The following ARHGAP24 variants were observed in gnomAD, a reference collection of about 807,000 sequenced individuals.
ARHGAP24 encodes the protein rho GTPase-activating protein 24.
ARHGAP24 carries 50 observed loss-of-function variants against 76.4 expected under a neutral mutation model. The ratio of observed to expected loss-of-function variants is 0.65; its 90% CI spans 0.52 to 0.83. ARHGAP24 has a LOEUF of 0.83. ARHGAP24 is among the 40% of genes least tolerant of loss of function. The probability of loss-of-function intolerance (pLI) is 0.00; values close to 1 mark genes in which losing one functional copy is unlikely to be tolerated. For synonymous variants in ARHGAP24, 345 were observed against 323.3 expected, an observed-to-expected ratio of 1.07 and a Z score of -0.72; for missense variants, 930 against 914.2, an observed-to-expected ratio of 1.02 and a Z score of -0.22.
At chr4:85,475,585 G>A (rs1017508771) in intron 1 of ARHGAP24, 26 bp downstream of exon 1, 1 of 151,148 alleles carries the variant, frequency 6.6e-6, no homozygotes, top group Admixed American at 6.6e-5. Flanking sequence ...GCGAGGAAGT[G>A]CGCGGAGCTA....
chr4:85,616,388 A>T (rs989749565), intron 2 of ARHGAP24, among the ~76,000 whole-genome samples: 2 of 152,210 alleles, frequency 1.3e-5, no homozygotes, highest in Non-Finnish European at 2.9e-5. Flanking sequence ...GAAAGAAAAC[A>T]TTAATTTTAA....
intron 3 of ARHGAP24, among the ~76,000 whole-genome samples, chr4:85,888,295 G>A (rs192737268): frequency 1.9e-4 from 29 of 151,594 alleles, no homozygotes; most frequent in African/African-American, 7.0e-4. Context: ...GGCTACTTGG[G>A]AGGCTGATAC....
chr4:85,729,863 A>C (rs980290697), intron 3 of ARHGAP24, among the ~76,000 whole-genome samples: 3 of 152,212 alleles, frequency 2.0e-5, no homozygotes, highest in Non-Finnish European at 4.4e-5. Flanking sequence ...ACAGTGAACC[A>C]GATTTGGCCC....
rs1299135678 is a variant in ARHGAP24 at position 85,487,152 on chromosome 4, GTATATATATATAAATATATATTTATTT to G, written c.-21+11604_-21+11630del. On this transcript the variant is annotated intron_variant, in intron 1 of 9. Coordinates refer to ENST00000395184, the MANE Select transcript of ARHGAP24 (RefSeq NM_001025616.3). Reference sequence around the variant, plus strand: ...CCTTGGTTTGCTTGGTTGCTTGTGTGTATATATATATAAATATATATTTATTTTATATATATAAAAATATATATTTAT... The same window carrying G: ...CCTTGGTTTGCTTGGTTGCTTGTGTGTATATATATAAAAATATATATTTAT... Among the ~76,000 whole-genome samples the G allele has an allele frequency of 5.0e-3, 679 of 135,580 alleles. 6 individuals carry two copies. The highest frequency in any genetic ancestry group is 0.018 in the African/African-American group (652 of 35,632). The allele number at this position is 135,580 out of a possible 152,430, so 88.9% of individuals were successfully genotyped here.
At chr4:85,682,900 T>C (rs1243098189) in intron 2 of ARHGAP24, among the ~76,000 whole-genome samples, 1 of 152,158 alleles carries the variant, frequency 6.6e-6, no homozygotes, top group African/African-American at 2.4e-5. Context: ...CAATATATTA[T>C]GCACTTTCAA....
At chr4:85,556,410 G>A (rs1046379787) in intron 1 of ARHGAP24, among the ~76,000 whole-genome samples, 2 of 152,174 alleles carry the variant, frequency 1.3e-5, no homozygotes, top group Middle Eastern at 3.2e-3. Context: ...GGGTGTGGGA[G>A]CTCGCTGGAA....
chr4:85,545,794 A>G (rs1019769920), intron 1 of ARHGAP24, among the ~76,000 whole-genome samples: 3 of 152,214 alleles, frequency 2.0e-5, no homozygotes, highest in African/African-American at 7.2e-5. Context: ...GATATGTATT[A>G]ATATATGGGT....
chr4:85,670,161 A>G (rs1034634059), intron 2 of ARHGAP24, among the ~76,000 whole-genome samples: 1 of 152,160 alleles, frequency 6.6e-6, no homozygotes, highest in Admixed American at 6.5e-5. Flanking sequence ...TTGGCTGCAT[A>G]AATAAGCTGA....
In ARHGAP24 at chr4:85,974,912, G is replaced by T. The variant is rs377008231; in HGVS notation, c.757G>T (p.Val253Leu). Residue 253 changes from valine (V) to leucine (L), a missense_variant, in exon 7 of 10, where the codon GTG becomes TTG. Coordinates refer to ENST00000395184, the MANE Select transcript of ARHGAP24 (RefSeq NM_001025616.3). ...GGGTGTTAAGGAATTAGCAAAGCAG[G>T]TGAAGAGTTTGCCAGTGGTAAATTA... ...EAGVKELAKQ[V>L]KSLPVVNYNL... The T allele has an allele frequency of 6.2e-7, 1 of 1,613,888 alleles. No individual in the cohort carries two copies. Among genetic ancestry groups the T allele is most frequent in the Non-Finnish European group, 8.5e-7 (1 of 1,179,904 alleles).
rs549180913 is a variant in ARHGAP24 at position 85,475,879 on chromosome 4, C to T, written c.-21+320C>T. 3.7e-3 allele frequency among the ~76,000 whole-genome samples: 567 copies of T among 151,940 alleles called. 1 individual carries two copies. Among genetic ancestry groups the T allele is most frequent in the Non-Finnish European group, 5.9e-3 (400 of 67,902 alleles). Reference sequence around the variant, plus strand: ...AAAATAGATGGAATTAATAAAAACCCTTTGTACAATTCAATTTCCTCTCTT... The same window carrying T: ...AAAATAGATGGAATTAATAAAAACCTTTTGTACAATTCAATTTCCTCTCTT... On this transcript the variant is annotated intron_variant, in intron 1 of 9. Transcript: ENST00000395184.
chr4:85,749,393 T>A (rs1332170618), intron 3 of ARHGAP24, among the ~76,000 whole-genome samples: 1 of 152,222 alleles, frequency 6.6e-6, no homozygotes, highest in Non-Finnish European at 1.5e-5. Flanking sequence ...AAAGCTAGAC[T>A]TCTATATGTC....
At chr4:85,733,081 T>TTTTTTTTTTTTTTTTTTTTTTTTTTA (rs70948746) in intron 3 of ARHGAP24, among the ~76,000 whole-genome samples, 1 of 136,790 alleles carries the variant, frequency 7.3e-6, no homozygotes, top group African/African-American at 2.8e-5. Flanking sequence ...TTTTTTTTTT[T>TTTTTTTTTTTTTTTTTTTTTTTTTTA]GAGATGGAGT....
intron 3 of ARHGAP24, among the ~76,000 whole-genome samples, chr4:85,909,299 T>TTG (rs1578374924): frequency 6.6e-6 from 1 of 151,918 alleles, no homozygotes; most frequent in South Asian, 2.1e-4. Context: ...TTTCTTTTGT[T>TTG]TTGTTTTTTT....
intron 3 of ARHGAP24, among the ~76,000 whole-genome samples, chr4:85,809,465 C>T (rs1353270572): frequency 1.3e-5 from 2 of 152,028 alleles, no homozygotes; most frequent in Admixed American, 6.6e-5. Flanking sequence ...AGAGAATTAC[C>T]TTATTCCATT....
chr4:85,570,764 C>T (rs763799081), intron 2 of ARHGAP24, 43 bp downstream of exon 2: 1 of 1,605,962 alleles, frequency 6.2e-7, no homozygotes, highest in Admixed American at 1.7e-5. Context: ...CTAAGAAAGC[C>T]AAGAAATAGA....
chr4:85,879,948 T>G (rs1448266284), intron 3 of ARHGAP24, among the ~76,000 whole-genome samples: 1 of 152,040 alleles, frequency 6.6e-6, no homozygotes, highest in African/African-American at 2.4e-5. Context: ...CAGTTCACAA[T>G]AGGGTTTACA....
At chr4:85,555,324 G>A (rs1407934709) in intron 1 of ARHGAP24, among the ~76,000 whole-genome samples, 1 of 152,190 alleles carries the variant, frequency 6.6e-6, no homozygotes, top group Non-Finnish European at 1.5e-5. Flanking sequence ...TTTTCAGGAT[G>A]TTTTTGGAGG....
intron 3 of ARHGAP24, among the ~76,000 whole-genome samples, chr4:85,921,159 A>C (rs984665763): frequency 6.6e-6 from 1 of 152,248 alleles, no homozygotes. Context: ...CTGGATAAAG[A>C]AAATGTGTTA....
At chr4:85,548,481 T>C (rs950938297) in intron 1 of ARHGAP24, among the ~76,000 whole-genome samples, 1 of 152,216 alleles carries the variant, frequency 6.6e-6, no homozygotes, top group Non-Finnish European at 1.5e-5. Flanking sequence ...TGCATTCTGG[T>C]GTCCTAATTT....
Sources: allele counts gnomAD v4.1 joint callset (sites outside exome capture counted in the v4.1 genomes callset), GRCh38; gene constraint gnomAD v4.1.1; transcripts MANE v1.5; gene names NCBI Gene and HGNC (gene_info 2026-07-23, HGNC 2026-07-21).